The following CSMD1 variants were observed in gnomAD, a reference collection of about 807,000 sequenced individuals.
CSMD1 encodes the protein CUB and Sushi multiple domains 1.
In CSMD1, 213 loss-of-function variants were observed where a neutral mutation model predicts 417.5. The ratio of observed to expected loss-of-function variants is 0.51; its 90% CI spans 0.46 to 0.57. CSMD1 has a LOEUF of 0.57. CSMD1 is among the 20% of genes least tolerant of loss of function. The probability of loss-of-function intolerance (pLI) is 0.00; values close to 1 mark genes in which losing one functional copy is unlikely to be tolerated. For missense variants in CSMD1, 6,923 were observed against 4,529.7 expected, an observed-to-expected ratio of 1.53 and a Z score of -15.17; for synonymous variants, 2,862 against 1,736.8, an observed-to-expected ratio of 1.65 and a Z score of -16.11.
At chr8:4,710,404 A>T (rs760572812) in intron 1 of CSMD1, among the ~76,000 whole-genome samples, 2 of 148,052 alleles carry the variant, frequency 1.4e-5, no homozygotes, top group African/African-American at 2.4e-5. Flanking sequence ...TATTAAATAT[A>T]TAAATTTATA....
chr8:3,795,416 T>C lies in CSMD1; in HGVS notation c.819-41374A>G, dbSNP rs562266434. Among the ~76,000 whole-genome samples the C allele has an allele frequency of 5.3e-5, 2 of 37,390 alleles. 1 individual carries two copies. The highest frequency in any genetic ancestry group is 7.1e-4 in the Admixed American group (2 of 2,822). 24.5% of individuals were successfully genotyped at this position (37,390 alleles called of 152,430 possible). ...TAGATATCTATCATAGATATAGATA[T>C]ATATCTATCATAGATATAGATATAT... On this transcript the variant is annotated intron_variant, in intron 5 of 69. Transcript: ENST00000635120.
intron 50 of CSMD1, among the ~76,000 whole-genome samples, chr8:3,045,729 T>G (rs1192736551): frequency 1.3e-5 from 2 of 152,144 alleles, no homozygotes; most frequent in East Asian, 3.9e-4. Context: ...ATCCTAGAAA[T>G]TAGGAAGACA....
At chr8:4,617,230 A>C (rs1012404060) in intron 2 of CSMD1, among the ~76,000 whole-genome samples, 7 of 152,330 alleles carry the variant, frequency 4.6e-5, no homozygotes, top group Admixed American at 2.6e-4. Context: ...TAGTGAATAA[A>C]GAAAATATAA....
chr8:3,015,265 C>T (rs142200066), intron 52 of CSMD1, among the ~76,000 whole-genome samples: 7 of 152,282 alleles, frequency 4.6e-5, no homozygotes, highest in South Asian at 4.1e-4. Flanking sequence ...TCTTTAAAAA[C>T]GCATTGCATT....
chr8:4,393,470 G>A (rs1275938354), intron 3 of CSMD1, among the ~76,000 whole-genome samples: 1 of 152,190 alleles, frequency 6.6e-6, no homozygotes, highest in Non-Finnish European at 1.5e-5. Flanking sequence ...GCATGATTAT[G>A]TTGAGATGGC....
At chr8:3,293,571 T>G (rs1395547296) in intron 25 of CSMD1, among the ~76,000 whole-genome samples, 1 of 152,212 alleles carries the variant, frequency 6.6e-6, no homozygotes, top group African/African-American at 2.4e-5. Context: ...CTTCATTTCA[T>G]TCATTTCATC....
At chr8:4,731,275 G>C (rs779283734) in intron 1 of CSMD1, among the ~76,000 whole-genome samples, 1 of 152,130 alleles carries the variant, frequency 6.6e-6, no homozygotes, top group Admixed American at 6.6e-5. Context: ...GTCTTGGTTA[G>C]AGGCCACCTT....
chr8:3,010,615 G>T (rs925232457), intron 52 of CSMD1, among the ~76,000 whole-genome samples: 1 of 152,062 alleles, frequency 6.6e-6, no homozygotes, highest in Non-Finnish European at 1.5e-5. Flanking sequence ...CTGCTTGCTG[G>T]AATTCCACCC....
chr8:3,651,115 G>A (rs775363753), intron 7 of CSMD1, among the ~76,000 whole-genome samples: 1 of 152,150 alleles, frequency 6.6e-6, no homozygotes, highest in South Asian at 2.1e-4. Flanking sequence ...CCATCTGTCA[G>A]TATCTTGTCT....
At chr8:3,903,456 T>G (rs189676360) in intron 5 of CSMD1, among the ~76,000 whole-genome samples, 2 of 152,308 alleles carry the variant, frequency 1.3e-5, no homozygotes, top group East Asian at 3.9e-4. Flanking sequence ...TGTAAAATAT[T>G]ACTCTCAAGA....
intron 3 of CSMD1, among the ~76,000 whole-genome samples, chr8:4,351,418 G>A (rs35485389): frequency 0.22 from 33,783 of 152,156 alleles, 3,946 homozygotes; most frequent in African/African-American, 0.29. Flanking sequence ...GTTATACCAA[G>A]TAAGGTAAGA....
intron 26 of CSMD1, among the ~76,000 whole-genome samples, chr8:3,239,983 A>G (rs1585755325): frequency 6.6e-6 from 1 of 151,694 alleles, no homozygotes; most frequent in East Asian, 1.9e-4. Flanking sequence ...TATATGTGTC[A>G]AGTGTGAGGA....
chr8:3,773,049 G>A (rs1798703289), intron 5 of CSMD1, among the ~76,000 whole-genome samples: 1 of 152,162 alleles, frequency 6.6e-6, no homozygotes, highest in Non-Finnish European at 1.5e-5. Context: ...CAGAAGGGAA[G>A]AAGGGAGCTC....
chr8:4,053,458 T>C (rs1798538120), intron 3 of CSMD1, among the ~76,000 whole-genome samples: 2 of 149,816 alleles, frequency 1.3e-5, no homozygotes, highest in Non-Finnish European at 3.0e-5. Context: ...GGAACCCTAC[T>C]GAAGTTCAAG....
At chr8:4,932,386 C>A (rs1259581770) in intron 1 of CSMD1, among the ~76,000 whole-genome samples, 1 of 151,470 alleles carries the variant, frequency 6.6e-6, no homozygotes, top group Non-Finnish European at 1.5e-5. Flanking sequence ...AGAATATCTA[C>A]AGACAGAGTT....
At chr8:4,149,931 G>T (rs1428966170) in intron 3 of CSMD1, among the ~76,000 whole-genome samples, 1 of 152,146 alleles carries the variant, frequency 6.6e-6, no homozygotes, top group Admixed American at 6.5e-5. Flanking sequence ...TTGTTAAATT[G>T]TGAACAACAG....
chr8:2,937,883 ATAAT>A lies in CSMD1; in HGVS notation c.*698_*701del, dbSNP rs1801601657. 1 of 137,372 alleles carries A rather than the reference ATAAT, an allele frequency of 7.3e-6. No homozygotes were observed. Among genetic ancestry groups the A allele is most frequent in the Non-Finnish European group, 1.6e-5 (1 of 61,564 alleles). The allele number at this position is 137,372 out of a possible 1,614,324, so 8.5% of individuals were successfully genotyped here. A position where few individuals can be genotyped will look rare whatever the true frequency, so the allele number is the denominator to read the frequency against. On this transcript the variant is annotated 3_prime_UTR_variant, in exon 70 of 70. Coordinates refer to ENST00000635120, the MANE Select transcript of CSMD1 (RefSeq NM_033225.6). ...GATAGTGTGTATAAACCCTGTGTAA[ATAAT>A]TTATTTTTTTTATCAGAATCTTAGT...
chr8:3,046,681 C>T (rs1455239822), intron 50 of CSMD1, among the ~76,000 whole-genome samples: 3 of 152,112 alleles, frequency 2.0e-5, no homozygotes, highest in South Asian at 2.1e-4. Context: ...CCCAAAGCAC[C>T]GGTGTCTAAT....
intron 3 of CSMD1, among the ~76,000 whole-genome samples, chr8:4,060,109 T>A (rs535051906): frequency 6.6e-6 from 1 of 152,314 alleles, no homozygotes; most frequent in East Asian, 1.9e-4. Context: ...TCAAGTGGGC[T>A]TCATCCCTGG....
Sources: allele counts gnomAD v4.1 joint callset (sites outside exome capture counted in the v4.1 genomes callset), GRCh38; gene constraint gnomAD v4.1.1; transcripts MANE v1.5; gene names NCBI Gene and HGNC (gene_info 2026-07-23, HGNC 2026-07-21).